Variants in POFUT3 observed in about 807,000 individuals in gnomAD.
POFUT3 encodes the protein protein O-fucosyltransferase 3.
At chr8:33,317,966 C>A in the POFUT3 span, among the ~76,000 whole-genome samples, 1 of 152,110 alleles carries the variant, frequency 6.6e-6, no homozygotes, top group South Asian at 2.1e-4. Context: ...AGTAAATTAT[C>A]CCTTTTGTGC....
chr8:33,408,072 C>T, the POFUT3 span, among the ~76,000 whole-genome samples: 1 of 151,296 alleles, frequency 6.6e-6, no homozygotes, highest in African/African-American at 2.4e-5. Context: ...ACCTCTAATC[C>T]CAGTACTTTG....
chr8:33,453,594 C>G, the POFUT3 span: 1 of 1,207,996 alleles, frequency 8.3e-7, no homozygotes, highest in Non-Finnish European at 1.2e-6. Flanking sequence ...GATTTAGCCC[C>G]TGACTCGTTT....
At chr8:33,316,750 A>T in the POFUT3 span, among the ~76,000 whole-genome samples, 1 of 151,494 alleles carries the variant, frequency 6.6e-6, no homozygotes, top group Non-Finnish European at 1.5e-5. Context: ...TCAAAAAAAA[A>T]AAACAAGGAA....
chr8:33,387,736 G>A, the POFUT3 span, among the ~76,000 whole-genome samples: 2 of 152,218 alleles, frequency 1.3e-5, no homozygotes, highest in East Asian at 1.9e-4. Context: ...CCTGGGAGGT[G>A]GAGGTTGCAG....
the POFUT3 span, among the ~76,000 whole-genome samples, chr8:33,310,682 C>A: frequency 7.0e-6 from 1 of 142,256 alleles, no homozygotes; most frequent in Non-Finnish European, 1.5e-5. Context: ...CAGAGCAAGA[C>A]TCCATCTCAA....
chr8:33,406,379 T>C, the POFUT3 span, among the ~76,000 whole-genome samples: 1 of 152,240 alleles, frequency 6.6e-6, no homozygotes, highest in South Asian at 2.1e-4. Context: ...CTGACTGGCA[T>C]AGGGCTTGAC....
At chr8:33,358,894 G>T in the POFUT3 span, among the ~76,000 whole-genome samples, 19 of 152,144 alleles carry the variant, frequency 1.2e-4, no homozygotes, top group African/African-American at 3.9e-4. Flanking sequence ...GCAATATGAG[G>T]TTATAGCAAA....
chr8:33,472,335 G>C, the POFUT3 span, among the ~76,000 whole-genome samples: 1 of 152,214 alleles, frequency 6.6e-6, no homozygotes, highest in African/African-American at 2.4e-5. Context: ...GTCATTCTGT[G>C]TGACATTTGC....
At chr8:33,382,652 T>G in the POFUT3 span, among the ~76,000 whole-genome samples, 1 of 152,088 alleles carries the variant, frequency 6.6e-6, no homozygotes, top group East Asian at 1.9e-4. Flanking sequence ...GGTTGCCAGT[T>G]TTGTAGGAGG....
chr8:33,380,247 CTA>C, the POFUT3 span, among the ~76,000 whole-genome samples: 1 of 80,276 alleles, frequency 1.2e-5, no homozygotes, highest in Non-Finnish European at 2.2e-5. Flanking sequence ...TATATATATA[CTA>C]TATATATATA....
At chr8:33,471,077 C>T in the POFUT3 span, among the ~76,000 whole-genome samples, 1 of 152,116 alleles carries the variant, frequency 6.6e-6, no homozygotes, top group Non-Finnish European at 1.5e-5. Flanking sequence ...ATCTGAAAGA[C>T]ATTTTAAGAT....
chr8:33,332,933 CCTT>C, the POFUT3 span, among the ~76,000 whole-genome samples: 1 of 152,178 alleles, frequency 6.6e-6, no homozygotes, highest in African/African-American at 2.4e-5. Context: ...TATCTGTTCT[CCTT>C]CATCTTCGGG....
At chr8:33,373,722 T>C in the POFUT3 span, among the ~76,000 whole-genome samples, 50 of 151,816 alleles carry the variant, frequency 3.3e-4, 1 homozygote, top group Admixed American at 3.0e-3. Flanking sequence ...AACTCCAGGA[T>C]AACAGAGTGA....
chr8:33,439,567 T>C, the POFUT3 span, among the ~76,000 whole-genome samples: 14 of 152,060 alleles, frequency 9.2e-5, no homozygotes, highest in South Asian at 1.0e-3. Flanking sequence ...CCAAGGCCCT[T>C]AGAATATATC....
chr8:33,327,113 GGGA>G, the POFUT3 span, among the ~76,000 whole-genome samples: 7 of 152,190 alleles, frequency 4.6e-5, no homozygotes, highest in African/African-American at 1.4e-4. Context: ...CCTAAAAGGA[GGGA>G]GTAGTGTGAT....
chr8:33,443,412 C>A, the POFUT3 span, among the ~76,000 whole-genome samples: 1 of 152,198 alleles, frequency 6.6e-6, no homozygotes, highest in Non-Finnish European at 1.5e-5. Context: ...TGCTCCAACG[C>A]TTTCAGGTGT....
chr8:33,412,533 T>A, the POFUT3 span, among the ~76,000 whole-genome samples: 1 of 152,214 alleles, frequency 6.6e-6, no homozygotes, highest in East Asian at 1.9e-4. Flanking sequence ...TCCACTGGTA[T>A]GAAGCCTGTC....
chr8:33,461,637 T>G, the POFUT3 span: 1 of 1,527,138 alleles, frequency 6.5e-7, no homozygotes, highest in Non-Finnish European at 8.8e-7. Context: ...GGGTCTGGCT[T>G]GGCATCGAGA....
At chr8:33,427,831 TA>T in the POFUT3 span, among the ~76,000 whole-genome samples, 2 of 151,724 alleles carry the variant, frequency 1.3e-5, no homozygotes, top group South Asian at 4.2e-4. Context: ...AGAGCGAATA[TA>T]AAAACTGACC....
Sources: allele counts gnomAD v4.1 joint callset (sites outside exome capture counted in the v4.1 genomes callset), GRCh38; gene constraint gnomAD v4.1.1; transcripts MANE v1.5; gene names NCBI Gene and HGNC (gene_info 2026-07-23, HGNC 2026-07-21).